SDSL: variants seen among roughly 807,000 people sequenced by gnomAD.
SDSL encodes the protein serine dehydratase like, also known as serine dehydratase-like.
A neutral mutation model predicts 27.6 loss-of-function variants in SDSL; 26 were observed. The ratio of observed to expected loss-of-function variants is 0.94; its 90% CI spans 0.69 to 1.31. SDSL has a LOEUF of 1.31. SDSL is among the 50% of genes most tolerant of loss of function. The probability of loss-of-function intolerance (pLI) is 0.00; values close to 1 mark genes in which losing one functional copy is unlikely to be tolerated. For missense variants in SDSL, 431 were observed against 423.5 expected (o/e 1.02, Z -0.16); for synonymous variants, 196 against 180.6 (o/e 1.09, Z -0.69).
rs1246081544 is a variant in SDSL, at chr12:113,436,853, G to A, written c.774G>A (p.Val258=). 3 of 1,609,896 alleles carry A rather than the reference G, an allele frequency of 1.9e-6. No homozygotes were observed. Among genetic ancestry groups the A allele is most frequent in the Admixed American group, 1.7e-5 (1 of 59,818 alleles). The part of the protein sequence containing the change: ...HSEVVEDTEA[V]SAVQQLLDDE... ...AAGTGGTGGAGGACACCGAGGCTGT[G>A]AGCGCTGTGCAGCAGCTCCTGGGTG... The change falls in exon 7 of 8, where the codon GTG becomes GTA. Residue 258 remains valine (V), a synonymous_variant. Transcript: ENST00000403593.
chr12:113,427,839 T>A (rs1232762141), intron 1 of SDSL, 123 bp from the exon 2 acceptor site: 2 of 798,292 alleles, frequency 2.5e-6, no homozygotes, highest in Non-Finnish European at 3.9e-6. Flanking sequence ...GTCTCACAGC[T>A]CAGCAGCTGG....
At position 113,438,264 on chromosome 12, in the gene SDSL, C is replaced by A; in HGVS notation, c.*185C>A. ...CTCCGACAACTCCGGCCAATAAACA[C>A]TTTCTGAATTGAGTTTGCGAATGCT... On this transcript the variant is annotated 3_prime_UTR_variant, in exon 8 of 8. Transcript: ENST00000403593. The A allele has an allele frequency of 2.0e-6, 1 of 512,104 alleles. No individual in the cohort carries two copies. The highest frequency in any genetic ancestry group is 3.2e-5 in the South Asian group (1 of 31,590). The allele number at this position is 512,104 out of a possible 1,614,324, so 31.7% of individuals were successfully genotyped here.
intron 5 of SDSL, 92 bp downstream of exon 5, chr12:113,434,314 C>G: frequency 1.0e-6 from 1 of 968,578 alleles, no homozygotes; most frequent in East Asian, 2.5e-5. Flanking sequence ...GAAACTGAGG[C>G]CCAGAGGGGA....
At chr12:113,423,187 C>T (rs536242161) in intron 1 of SDSL, among the ~76,000 whole-genome samples, 1 of 152,288 alleles carries the variant, frequency 6.6e-6, no homozygotes, top group South Asian at 2.1e-4. Context: ...GCTGGGGAAG[C>T]CTGGAAACTG....
At position 113,434,171 on chromosome 12, in the gene SDSL, C is replaced by A; in HGVS notation, c.392C>A (p.Ala131Asp). ...GCCAATCTGAGGGCGCAAGAGTTGG[C>A]CAAGAGGGACGGCTGGGAGAATGTC... is the stretch of plus-strand genomic sequence containing the variant. ...DEANLRAQEL[A>D]KRDGWENVPP... Residue 131 changes from alanine to aspartate, a missense_variant, in exon 5 of 8, where the codon GCC becomes GAC. Physicochemically the swap from Ala to Asp is moderately radical, Grantham distance 126. Coordinates refer to ENST00000403593, the MANE Select transcript of SDSL (RefSeq NM_001304993.2). 6.2e-7 allele frequency: 1 copy of A among 1,613,652 alleles called. No individual in the cohort carries two copies. The highest frequency in any genetic ancestry group is 8.5e-7 in the Non-Finnish European group (1 of 1,179,724).
intron 4 of SDSL, among the ~76,000 whole-genome samples, chr12:113,432,260 CTT>C (rs1392135291): frequency 2.4e-4 from 33 of 137,578 alleles, no homozygotes; most frequent in African/African-American, 7.3e-4. Context: ...TTCTTTCTTT[CTT>C]TCTTTCTTTC....
At chr12:113,435,622 C>T in intron 6 of SDSL, 66 bp downstream of exon 6, 3 of 1,362,840 alleles carry the variant, frequency 2.2e-6, no homozygotes, top group African/African-American at 2.9e-5. Context: ...TAGGGCCTTC[C>T]AGTCCCAGCC....
chr12:113,423,675 A>C (rs572382491), intron 1 of SDSL, among the ~76,000 whole-genome samples: 1 of 152,312 alleles, frequency 6.6e-6, no homozygotes, highest in East Asian at 1.9e-4. Context: ...CCGGGACTTC[A>C]AGGTTACAGT....
intron 1 of SDSL, among the ~76,000 whole-genome samples, chr12:113,423,112 C>T (rs1345858317): frequency 2.6e-5 from 4 of 152,144 alleles, no homozygotes; most frequent in Non-Finnish European, 4.4e-5. Context: ...AGGCTGTTGG[C>T]AACTTGGGGC....
intron 1 of SDSL, among the ~76,000 whole-genome samples, chr12:113,424,042 T>C (rs2136947015): frequency 6.6e-6 from 1 of 152,306 alleles, no homozygotes; most frequent in East Asian, 1.9e-4. Context: ...AGTTTCCCTC[T>C]TACTCTCTAG....
Position 113,435,332 on chromosome 12 carries a change from A to G in SDSL, c.447A>G (p.Lys149=). The change falls in exon 6 of 8, where the codon AAA becomes AAG. Residue 149 remains lysine (K), a synonymous_variant. Transcript: ENST00000403593. ...CCCTCTCACCCCCCCTCCCCAGGAA[A>G]GGCCACGCCAGCCTGGTGCAGGAGC... ...VPPFDHPLIW[K]GHASLVQELK... The G allele has an allele frequency of 6.6e-7, 1 of 1,508,498 alleles. No individual in the cohort carries two copies. The highest frequency in any genetic ancestry group is 8.9e-7 in the Non-Finnish European group (1 of 1,125,574). The allele number at this position is 1,508,498 out of a possible 1,614,324, so 93.4% of individuals were successfully genotyped here.
chr12:113,425,709 A>T (rs16942799), intron 1 of SDSL: 28,073 of 455,658 alleles, frequency 0.062, 1,527 homozygotes, highest in African/African-American at 0.2. Context: ...AACCTCTCAA[A>T]GGGCTGAGCG....
intron 6 of SDSL, 51 bp downstream of exon 6, chr12:113,435,607 T>A: frequency 6.7e-7 from 1 of 1,496,446 alleles, no homozygotes; most frequent in Non-Finnish European, 9.2e-7. Context: ...GGTGTGCCAC[T>A]GTCCTAGGGC....
chr12:113,423,253 G>T (rs1593306683), intron 1 of SDSL, among the ~76,000 whole-genome samples: 1 of 152,346 alleles, frequency 6.6e-6, no homozygotes, highest in African/African-American at 2.4e-5. Context: ...AATGCATGCA[G>T]CTTTCATAAT....
At chr12:113,432,276 CT>C (rs1245601677) in intron 4 of SDSL, among the ~76,000 whole-genome samples, 18 of 131,028 alleles carry the variant, frequency 1.4e-4, no homozygotes, top group African/African-American at 5.1e-4. Context: ...TTCTTTCTTT[CT>C]TTCTTTCTTT....
At chr12:113,429,852 G>A (rs1452936265) in intron 4 of SDSL, among the ~76,000 whole-genome samples, 1 of 151,942 alleles carries the variant, frequency 6.6e-6, no homozygotes, top group African/African-American at 2.4e-5. Context: ...GCCAAACTAT[G>A]GTACGTTAAA....
intron 6 of SDSL, 88 bp from the exon 7 acceptor site, chr12:113,436,663 G>C: frequency 1.5e-6 from 2 of 1,332,830 alleles, no homozygotes; most frequent in South Asian, 1.6e-5. Context: ...CAGGATGGGA[G>C]GGGGTGGCTG....
intron 4 of SDSL, among the ~76,000 whole-genome samples, chr12:113,432,664 ACTCT>A (rs1179235047): frequency 9.2e-5 from 13 of 141,494 alleles, no homozygotes; most frequent in Non-Finnish European, 9.4e-5. Flanking sequence ...AACCTCTGCC[ACTCT>A]CTCTCTCTCC....
At position 113,426,124 on chromosome 12, in the gene SDSL, T is replaced by C. The variant is rs910683702; in HGVS notation, c.-21-1838T>C. On this transcript the variant is annotated intron_variant, in intron 1 of 7. Coordinates refer to ENST00000403593, the MANE Select transcript of SDSL (RefSeq NM_001304993.2). ...CCCCCTGCTGGCACCCTTGTCCACA[T>C]CTCCGCCCTCACCCCCTACCCTCAC... 15 of 454,836 alleles carry C rather than the reference T, an allele frequency of 3.3e-5. 1 individual carries two copies. Among genetic ancestry groups the C allele is most frequent in the African/African-American group, 3.0e-4 (15 of 49,920 alleles). 28.2% of individuals were successfully genotyped at this position (454,836 alleles called of 1,614,324 possible).
Sources: gnomAD v4.1 joint callset for allele counts (sites outside exome capture counted in the v4.1 genomes callset) on GRCh38, gnomAD v4.1.1 for gene constraint, MANE v1.5 for transcripts, NCBI Gene and HGNC (gene_info 2026-07-23, HGNC 2026-07-21) for gene names.